Variants in FGF14 observed in about 807,000 individuals in gnomAD.
FGF14 encodes the protein fibroblast growth factor homologous factor 4.
Under a neutral mutation model 25.5 loss-of-function variants are expected in FGF14, and 5 were observed. The ratio of observed to expected loss-of-function variants is 0.20; its 90% confidence interval spans 0.10 to 0.41. FGF14 has a LOEUF of 0.41. FGF14 is among the 10% of genes least tolerant of loss of function. The pLI, the probability that FGF14 is intolerant of heterozygous loss-of-function variation, is 1.00. For synonymous variants in FGF14, 138 were observed against 118.3 expected (o/e 1.17, Z -1.08); for missense variants, 222 against 320.1 (o/e 0.69, Z 2.34).
intron 1 of FGF14, among the ~76,000 whole-genome samples, chr13:102,241,695 C>A (rs1211931050): frequency 6.6e-6 from 1 of 152,064 alleles, no homozygotes; most frequent in African/African-American, 2.4e-5. Flanking sequence ...TAGCAGCCAG[C>A]CTATCCTTCC....
chr13:101,851,822 G>A (rs563605465), intron 3 of FGF14, among the ~76,000 whole-genome samples: 3 of 152,202 alleles, frequency 2.0e-5, no homozygotes, highest in African/African-American at 4.8e-5. Flanking sequence ...GCATTTGCTG[G>A]TATTTAAATA....
chr13:102,313,468 T>C (rs1020294227), intron 1 of FGF14, among the ~76,000 whole-genome samples: 1 of 152,064 alleles, frequency 6.6e-6, no homozygotes, highest in Non-Finnish European at 1.5e-5. Flanking sequence ...AGAATGCAGA[T>C]CATCACTGAT....
At chr13:102,358,582 G>A (rs1161850575) in intron 1 of FGF14, among the ~76,000 whole-genome samples, 1 of 152,160 alleles carries the variant, frequency 6.6e-6, no homozygotes, top group Non-Finnish European at 1.5e-5. Context: ...ATCTGTGTGT[G>A]TGCGTATGTT....
intron 1 of FGF14, among the ~76,000 whole-genome samples, chr13:102,073,783 A>G (rs767648432): frequency 2.0e-5 from 3 of 152,208 alleles, no homozygotes; most frequent in Admixed American, 6.5e-5. Flanking sequence ...AAAACTCTGT[A>G]TTTATAGTTG....
intron 1 of FGF14, among the ~76,000 whole-genome samples, chr13:101,908,060 G>C (rs2032465761): frequency 6.6e-6 from 1 of 152,134 alleles, no homozygotes; most frequent in Non-Finnish European, 1.5e-5. Flanking sequence ...ATATAGCTGA[G>C]AGTAGAAATG....
intron 1 of FGF14, among the ~76,000 whole-genome samples, chr13:101,924,934 G>C (rs2034264076): frequency 6.6e-6 from 1 of 152,110 alleles, no homozygotes; most frequent in East Asian, 1.9e-4. Flanking sequence ...TCCAAGGATG[G>C]GTGTAGGATT....
At chr13:102,243,655 GTT>G (rs3066872) in intron 1 of FGF14, among the ~76,000 whole-genome samples, 1 of 142,188 alleles carries the variant, frequency 7.0e-6, no homozygotes. Flanking sequence ...CTTTGGGCAT[GTT>G]TTTTTTTTTT....
At chr13:101,988,189 G>A (rs376306451) in intron 1 of FGF14, among the ~76,000 whole-genome samples, 15 of 151,948 alleles carry the variant, frequency 9.9e-5, no homozygotes, top group South Asian at 6.2e-4. Context: ...GATCAAATCC[G>A]CAGATGTTAG....
chr13:102,204,953 A>T (rs1328743990), intron 1 of FGF14, among the ~76,000 whole-genome samples: 2 of 152,238 alleles, frequency 1.3e-5, no homozygotes, highest in Admixed American at 1.3e-4. Context: ...ATTCTACAAA[A>T]AGAGATAAAA....
At chr13:101,741,526 C>G (rs1010793559) in intron 3 of FGF14, among the ~76,000 whole-genome samples, 40 of 151,678 alleles carry the variant, frequency 2.6e-4, no homozygotes, top group Non-Finnish European at 1.0e-4. Flanking sequence ...TTAACTTTTT[C>G]AGGATAATAT....
chr13:102,381,202 C>A (rs1428479131), intron 1 of FGF14, among the ~76,000 whole-genome samples: 1 of 152,168 alleles, frequency 6.6e-6, no homozygotes, highest in African/African-American at 2.4e-5. Flanking sequence ...GTAAGTCAAA[C>A]CATTCTAAGT....
intron 1 of FGF14, among the ~76,000 whole-genome samples, chr13:102,147,094 ATAAAG>A (rs1430864122): frequency 6.6e-6 from 1 of 152,288 alleles, no homozygotes; most frequent in East Asian, 1.9e-4. Context: ...TTTAGTGGTT[ATAAAG>A]TATTTTGTTG....
chr13:102,099,654 G>A (rs1360733381), intron 1 of FGF14, among the ~76,000 whole-genome samples: 1 of 151,762 alleles, frequency 6.6e-6, no homozygotes, highest in Non-Finnish European at 1.5e-5. Context: ...TGGCTCCAAA[G>A]CCCAAGCTCT....
chr13:101,775,500 A>G (rs1393820011), intron 3 of FGF14, among the ~76,000 whole-genome samples: 1 of 146,212 alleles, frequency 6.8e-6, no homozygotes, highest in Non-Finnish European at 1.5e-5. Flanking sequence ...CACTCTTGTG[A>G]AGAGCCGAGA....
chr13:102,065,600 C>A (rs1431822282), intron 1 of FGF14, among the ~76,000 whole-genome samples: 2 of 151,976 alleles, frequency 1.3e-5, no homozygotes, highest in African/African-American at 4.8e-5. Flanking sequence ...AAAATTAAGG[C>A]ATTTTCTATA....
At chr13:102,380,424 G>C (rs1334894435) in intron 1 of FGF14, among the ~76,000 whole-genome samples, 1 of 152,060 alleles carries the variant, frequency 6.6e-6, no homozygotes, top group Non-Finnish European at 1.5e-5. Context: ...AGTCCCTTTT[G>C]CTATCTAGTT....
chr13:101,745,023 A>C (rs1161469427), intron 3 of FGF14, among the ~76,000 whole-genome samples: 1 of 152,078 alleles, frequency 6.6e-6, no homozygotes, highest in African/African-American at 2.4e-5. Context: ...ATGACAAAGA[A>C]TCATATGCCG....
chr13:101,890,881 C>T (rs187710125), intron 1 of FGF14, among the ~76,000 whole-genome samples: 70 of 152,072 alleles, frequency 4.6e-4, no homozygotes, highest in Admixed American at 3.9e-4. Flanking sequence ...GTTACCCTCT[C>T]ACCAGCTCCC....
At chr13:101,930,112 AAAC>A (rs2139233724) in intron 1 of FGF14, among the ~76,000 whole-genome samples, 1 of 152,332 alleles carries the variant, frequency 6.6e-6, no homozygotes, top group East Asian at 1.9e-4. Context: ...TCTAATTCTT[AAAC>A]ATCAAATTTT....
Sources: allele counts gnomAD v4.1 joint callset (sites outside exome capture counted in the v4.1 genomes callset), GRCh38; gene constraint gnomAD v4.1.1; transcripts MANE v1.5; gene names NCBI Gene and HGNC (gene_info 2026-07-23, HGNC 2026-07-21).